The following TRPS1 variants were observed in gnomAD, a reference collection of about 807,000 sequenced individuals.
TRPS1 encodes the protein zinc finger transcription factor Trps1.
TRPS1 carries 6 observed loss-of-function variants against 101.2 expected under a neutral mutation model. The observed-to-expected ratio is 0.06, with a 90% confidence interval of 0.03 to 0.12. The LOEUF is 0.12. Among genes scored for constraint, TRPS1 ranks in the 10% least tolerant of loss-of-function variants. The pLI is 1.00. For synonymous variants in TRPS1, 578 were observed against 589.8 expected, an observed-to-expected ratio of 0.98 and a Z score of 0.29; for missense variants, 1,363 against 1,567.0, an observed-to-expected ratio of 0.87 and a Z score of 2.20.
At chr8:115,421,755 G>A (rs930883709) in intron 5 of TRPS1, among the ~76,000 whole-genome samples, 1 of 152,180 alleles carries the variant, frequency 6.6e-6, no homozygotes, top group African/African-American at 2.4e-5. Flanking sequence ...CCTGAGCTGT[G>A]TCACTACAGA....
chr8:115,461,240 T>C (rs1036576129), intron 5 of TRPS1, among the ~76,000 whole-genome samples: 6 of 151,512 alleles, frequency 4.0e-5, no homozygotes, highest in Non-Finnish European at 8.8e-5. Context: ...GATGGAAAGA[T>C]AAATAGACAA....
rs1198430006 is a variant in TRPS1, at chr8:115,623,675, T to TAGGG, written c.-39_-38insCCCT. On this transcript the variant is annotated 5_prime_UTR_variant, in exon 2 of 7. Transcript: ENST00000395715. Reference sequence around the variant, plus strand: ...TGCTTTTTACAATTATTAATTCTATTAGTCAACTAGCAGGAGGCTAATGCA... The same window carrying TAGGG: ...TGCTTTTTACAATTATTAATTCTATTAGGGAGTCAACTAGCAGGAGGCTAATGCA... 6 of 1,606,216 alleles carry TAGGG rather than the reference T, an allele frequency of 3.7e-6. No individual in the cohort carries two copies. The highest frequency in any genetic ancestry group is 3.4e-5 in the Admixed American group (2 of 59,504).
At chr8:115,641,056 A>C (rs1818884007) in intron 1 of TRPS1, among the ~76,000 whole-genome samples, 1 of 152,208 alleles carries the variant, frequency 6.6e-6, no homozygotes, top group Non-Finnish European at 1.5e-5. Context: ...TTGGAATATA[A>C]CTTAAAATAT....
intron 5 of TRPS1, among the ~76,000 whole-genome samples, chr8:115,458,749 G>A (rs1265208359): frequency 6.6e-6 from 1 of 152,152 alleles, no homozygotes; most frequent in Non-Finnish European, 1.5e-5. Context: ...TGTATTCCAT[G>A]AATAAACCAC....
intron 5 of TRPS1, among the ~76,000 whole-genome samples, chr8:115,534,453 T>C (rs1254086014): frequency 6.6e-6 from 1 of 152,110 alleles, no homozygotes; most frequent in Non-Finnish European, 1.5e-5. Context: ...ATTGAAGCTC[T>C]AACCCCGATA....
chr8:115,457,074 A>G (rs1029541833), intron 5 of TRPS1, among the ~76,000 whole-genome samples: 2 of 152,106 alleles, frequency 1.3e-5, no homozygotes, highest in Non-Finnish European at 2.9e-5. Context: ...CATTCAAATG[A>G]TGTGGTTTAG....
chr8:115,498,053 A>C (rs1815194113), intron 5 of TRPS1, among the ~76,000 whole-genome samples: 1 of 152,152 alleles, frequency 6.6e-6, no homozygotes, highest in African/African-American at 2.4e-5. Context: ...AACAATGGGC[A>C]CTACTGCCTT....
At chr8:115,620,293 G>A (rs142169115) in intron 2 of TRPS1, among the ~76,000 whole-genome samples, 11 of 151,882 alleles carry the variant, frequency 7.2e-5, no homozygotes, top group African/African-American at 2.7e-4. Context: ...ATTTTAAGGT[G>A]GTTTTAGGAA....
At chr8:115,539,607 A>T (rs1816403337) in intron 5 of TRPS1, among the ~76,000 whole-genome samples, 1 of 152,132 alleles carries the variant, frequency 6.6e-6, no homozygotes, top group Non-Finnish European at 1.5e-5. Context: ...GGAGGCTGAG[A>T]AGGGAAGACT....
intron 5 of TRPS1, among the ~76,000 whole-genome samples, chr8:115,448,595 A>T (rs977395211): frequency 6.6e-6 from 1 of 152,192 alleles, no homozygotes; most frequent in Non-Finnish European, 1.5e-5. Context: ...AGGTGTCTCT[A>T]ATTCCGAGAT....
chr8:115,624,260 C>T (rs904705454), intron 1 of TRPS1, among the ~76,000 whole-genome samples: 1 of 151,866 alleles, frequency 6.6e-6, no homozygotes, highest in African/African-American at 2.4e-5. Context: ...TCAAAATGCC[C>T]GTTAGAGTAA....
intron 4 of TRPS1, among the ~76,000 whole-genome samples, chr8:115,588,951 A>G (rs889505693): frequency 3.3e-5 from 5 of 152,236 alleles, no homozygotes; most frequent in African/African-American, 9.6e-5. Context: ...TCACATGACT[A>G]TAAGTCTATT....
chr8:115,639,619 A>C (rs1176384715), intron 1 of TRPS1, among the ~76,000 whole-genome samples: 3 of 151,570 alleles, frequency 2.0e-5, no homozygotes, highest in African/African-American at 7.3e-5. Context: ...ACTTGAGTCC[A>C]GGAGTTGGAA....
chr8:115,498,889 G>A (rs1401157550), intron 5 of TRPS1, among the ~76,000 whole-genome samples: 1 of 152,072 alleles, frequency 6.6e-6, no homozygotes. Flanking sequence ...CTATCACAGG[G>A]CAGCTACCTC....
chr8:115,416,414 T>C (rs1011072519), intron 6 of TRPS1, among the ~76,000 whole-genome samples: 1 of 151,178 alleles, frequency 6.6e-6, no homozygotes, highest in Admixed American at 6.6e-5. Flanking sequence ...TTCTAAAAGA[T>C]TACTGAAATC....
At chr8:115,535,477 A>T (rs2130287250) in intron 5 of TRPS1, among the ~76,000 whole-genome samples, 1 of 148,842 alleles carries the variant, frequency 6.7e-6, no homozygotes, top group African/African-American at 2.4e-5. Flanking sequence ...TACATATCAC[A>T]CATATATAGC....
rs3779882 is a variant in TRPS1, at chr8:115,577,834, C to T, written c.2700+9167G>A. 1.6e-3 allele frequency among the ~76,000 whole-genome samples: 236 copies of T among 152,106 alleles called. 3 individuals are homozygous for T. Among genetic ancestry groups the T allele is most frequent in the Admixed American group, 8.3e-3 (127 of 15,254 alleles). On this transcript the variant is annotated intron_variant, in intron 5 of 6. Transcript: ENST00000395715. ...AAATCAATTCTTTTCTCTTGTACTC[C>T]CTCAAAGCCCATGCCATTACCCACA...
intron 1 of TRPS1, among the ~76,000 whole-genome samples, chr8:115,667,276 A>G (rs1811944535): frequency 6.6e-6 from 1 of 152,152 alleles, no homozygotes; most frequent in South Asian, 2.1e-4. Context: ...ACCATCTCAG[A>G]CAGGTACTAA....
chr8:115,600,359 T>G (rs937741936), intron 4 of TRPS1, among the ~76,000 whole-genome samples: 1 of 152,212 alleles, frequency 6.6e-6, no homozygotes, highest in South Asian at 2.1e-4. Context: ...CATGTAAGAT[T>G]TATCTGCATC....
Sources: allele counts gnomAD v4.1 joint callset (sites outside exome capture counted in the v4.1 genomes callset), GRCh38; gene constraint gnomAD v4.1.1; transcripts MANE v1.5; gene names NCBI Gene and HGNC (gene_info 2026-07-23, HGNC 2026-07-21).